The following DENND5B variants were observed in gnomAD, a reference collection of about 807,000 sequenced individuals.
The protein encoded by DENND5B is DENN domain-containing protein 5B.
DENND5B carries 34 observed loss-of-function variants against 140.6 expected under a neutral mutation model. That is an observed-to-expected ratio of 0.24 (90% CI 0.18 to 0.32). The LOEUF (loss-of-function observed/expected upper bound fraction) is 0.32, where lower values mean the gene tolerates loss of function less well. DENND5B is among the 10% of genes least tolerant of loss of function. DENND5B has a pLI of 1.00. For missense variants in DENND5B, 1,142 were observed against 1,560.2 expected (o/e 0.73, Z 4.52); for synonymous variants, 551 against 562.1 (o/e 0.98, Z 0.28).
chr12:31,430,942 C>T (rs759059726), intron 8 of DENND5B, among the ~76,000 whole-genome samples: 2 of 152,186 alleles, frequency 1.3e-5, no homozygotes, highest in Non-Finnish European at 2.9e-5. Context: ...AGAAGGGAGG[C>T]TGCCTCTGCA....
At chr12:31,557,814 C>G (rs1220116401) in intron 1 of DENND5B, among the ~76,000 whole-genome samples, 8 of 80,966 alleles carry the variant, frequency 9.9e-5, no homozygotes, top group Admixed American at 1.4e-4. Flanking sequence ...GCTGTGGTGG[C>G]AAAAAAAAAA....
chr12:31,498,071 T>TA (rs1946853191), intron 1 of DENND5B, among the ~76,000 whole-genome samples: 3 of 152,122 alleles, frequency 2.0e-5, no homozygotes, highest in Non-Finnish European at 4.4e-5. Context: ...TCCTCCCAGT[T>TA]ATAGTCTAAG....
chr12:31,488,054 C>G (rs914086957), intron 2 of DENND5B, among the ~76,000 whole-genome samples: 1 of 151,978 alleles, frequency 6.6e-6, no homozygotes, highest in African/African-American at 2.4e-5. Flanking sequence ...CTCCTGAGTT[C>G]AAGCAATTCT....
At chr12:31,515,493 A>G (rs1183680393) in intron 1 of DENND5B, among the ~76,000 whole-genome samples, 6 of 152,310 alleles carry the variant, frequency 3.9e-5, no homozygotes, top group African/African-American at 9.6e-5. Flanking sequence ...CCACATACTT[A>G]TAGTTTTGCA....
rs1425029654 is a variant in DENND5B, at chr12:31,398,053, T to A, written c.3256+122A>T. ...TCCGGCTTTTGAATATTTATGAATT[T>A]TCCTCAACTTTCTTCTTTTTAAAAT... On this transcript the variant is annotated intron_variant, in intron 17 of 20. Coordinates refer to ENST00000389082, the MANE Select transcript of DENND5B (RefSeq NM_144973.4). The A allele has an allele frequency of 5.2e-6, 5 of 960,192 alleles. No individual in the cohort carries two copies. In the African/African-American group the frequency reaches 1.1e-4, roughly 20 times the overall value. The allele number at this position is 960,192 out of a possible 1,614,324, so 59.5% of individuals were successfully genotyped here.
At chr12:31,553,218 G>C (rs1026223273) in intron 1 of DENND5B, among the ~76,000 whole-genome samples, 4 of 152,016 alleles carry the variant, frequency 2.6e-5, no homozygotes, top group African/African-American at 4.8e-5. Context: ...AAATTTCCCT[G>C]TACACACTGC....
At chr12:31,544,800 T>C (rs538386331) in intron 1 of DENND5B, among the ~76,000 whole-genome samples, 1 of 152,020 alleles carries the variant, frequency 6.6e-6, no homozygotes, top group Non-Finnish European at 1.5e-5. Context: ...CTATGAACTA[T>C]ATAAAACCAC....
intron 7 of DENND5B, among the ~76,000 whole-genome samples, chr12:31,440,132 T>C (rs1460414545): frequency 2.6e-5 from 4 of 152,132 alleles, no homozygotes; most frequent in African/African-American, 4.8e-5. Context: ...AGTACCATTA[T>C]CTGGAAAGTT....
In DENND5B at chr12:31,418,455, GT is replaced by G. The variant is rs528902403; in HGVS notation, c.2471-3008del. ...CACCACACCTGGCTAATTTTTGTGT[GT>G]TTTTTTTTTGTAGAGACGGGGTTTT... On this transcript the variant is annotated intron_variant, in intron 11 of 20. Coordinates refer to ENST00000389082, the MANE Select transcript of DENND5B (RefSeq NM_144973.4). Among the ~76,000 whole-genome samples, 13 of 144,148 alleles carry G rather than the reference GT, an allele frequency of 9.0e-5. No homozygotes were observed. In the South Asian group the frequency reaches 1.1e-3, roughly 12 times the overall value. 94.6% of individuals were successfully genotyped at this position (144,148 alleles called of 152,430 possible). A position where few individuals can be genotyped will look rare whatever the true frequency, so the allele number is the denominator to read the frequency against.
chr12:31,529,746 AAG>A (rs201771843), intron 1 of DENND5B, among the ~76,000 whole-genome samples: 2,540 of 151,768 alleles, frequency 0.017, 73 homozygotes, highest in African/African-American at 0.058. Context: ...TTTTTTAAAA[AAG>A]AAAACATCCT....
At chr12:31,444,089 A>C (rs1944168077) in intron 6 of DENND5B, 1 of 152,214 alleles carries the variant, frequency 6.6e-6, no homozygotes, top group Non-Finnish European at 1.5e-5. Flanking sequence ...ATATTTTAGA[A>C]GCAAGCCTAG....
intron 1 of DENND5B, among the ~76,000 whole-genome samples, chr12:31,523,145 G>A (rs1239824319): frequency 2.0e-5 from 3 of 148,856 alleles, no homozygotes; most frequent in Non-Finnish European, 4.4e-5. Flanking sequence ...TGCAGCCTCC[G>A]CCTCCCAGGT....
chr12:31,405,586 C>A (rs1292500238), intron 14 of DENND5B, among the ~76,000 whole-genome samples: 1 of 152,074 alleles, frequency 6.6e-6, no homozygotes, highest in African/African-American at 2.4e-5. Flanking sequence ...TTCACTCTAT[C>A]TCCCAGGCTG....
intron 1 of DENND5B, among the ~76,000 whole-genome samples, chr12:31,577,706 G>T (rs1204947097): frequency 3.3e-5 from 2 of 60,068 alleles, no homozygotes; most frequent in Admixed American, 3.1e-4. Context: ...ACGAGACTCT[G>T]TCTCAAAAAA....
intron 3 of DENND5B, among the ~76,000 whole-genome samples, chr12:31,462,258 G>C (rs1164432488): frequency 6.7e-6 from 1 of 149,670 alleles, no homozygotes; most frequent in South Asian, 2.1e-4. Context: ...GAGGCGGGTA[G>C]TAGAGGAGAT....
chr12:31,431,087 T>C (rs890341423), intron 8 of DENND5B, among the ~76,000 whole-genome samples: 5 of 152,260 alleles, frequency 3.3e-5, no homozygotes, highest in African/African-American at 4.8e-5. Context: ...TAATACAGTC[T>C]AGAAGTAACC....
chr12:31,383,943 A>G lies in DENND5B; in HGVS notation c.*3660T>C, dbSNP rs1036328315. 3.3e-5 allele frequency: 5 copies of G among 152,314 alleles called. No homozygotes were observed. Among genetic ancestry groups the G allele is most frequent in the Admixed American group, 1.3e-4 (2 of 15,292 alleles). The allele number at this position is 152,314 out of a possible 1,614,324, so 9.4% of individuals were successfully genotyped here. On this transcript the variant is annotated 3_prime_UTR_variant, in exon 21 of 21. Coordinates refer to ENST00000389082, the MANE Select transcript of DENND5B (RefSeq NM_144973.4). Reference sequence around the variant, plus strand: ...CAAAAATAATCATTATGGTCCCAGCATTTAATTTATTTGCAGGAAAAAAAC... The same window carrying G: ...CAAAAATAATCATTATGGTCCCAGCGTTTAATTTATTTGCAGGAAAAAAAC...
chr12:31,565,238 A>T (rs926325644), intron 1 of DENND5B, among the ~76,000 whole-genome samples: 2 of 152,112 alleles, frequency 1.3e-5, no homozygotes, highest in South Asian at 2.1e-4. Context: ...ACAAAAAAAT[A>T]AAAAAACCAG....
intron 1 of DENND5B, among the ~76,000 whole-genome samples, chr12:31,544,209 T>C (rs1037356193): frequency 3.3e-5 from 5 of 152,036 alleles, no homozygotes; most frequent in African/African-American, 1.2e-4. Flanking sequence ...GTAACTTTAA[T>C]ACACATTAAA....
Sources: allele counts gnomAD v4.1 joint callset (sites outside exome capture counted in the v4.1 genomes callset), GRCh38; gene constraint gnomAD v4.1.1; transcripts MANE v1.5; gene names NCBI Gene and HGNC (gene_info 2026-07-23, HGNC 2026-07-21).